FAM135B: variants seen among roughly 807,000 people sequenced by gnomAD.
The protein encoded by FAM135B is family with sequence similarity 135 member B, also known as protein FAM135B.
Under a neutral mutation model 127.7 loss-of-function variants are expected in FAM135B, and 43 were observed. The observed-to-expected ratio is 0.34, with a 90% CI of 0.26 to 0.43. The LOEUF is 0.43. Ranked by LOEUF, FAM135B falls within the 20% of genes least tolerant of loss-of-function variation. The pLI is 1.00. For synonymous variants in FAM135B, 670 were observed against 665.1 expected, an observed-to-expected ratio of 1.01 and a Z score of -0.11; for missense variants, 1,558 against 1,725.6, an observed-to-expected ratio of 0.90 and a Z score of 1.72.
intron 2 of FAM135B, among the ~76,000 whole-genome samples, chr8:138,331,313 G>C (rs542737421): frequency 6.6e-6 from 1 of 152,098 alleles, no homozygotes; most frequent in African/African-American, 2.4e-5. Context: ...AAAGGTCTTC[G>C]CAGCATTTTT....
At position 138,222,327 on chromosome 8, in the gene FAM135B, T is replaced by C. The variant is rs146084962; in HGVS notation, c.669+20615A>G. On this transcript the variant is annotated intron_variant, in intron 7 of 19. Transcript: ENST00000395297. ...CGCCTGCCCACTGCTTCTTAACTCT[T>C]ATCACAATTGCAACTCATAACTAAT... Among the ~76,000 whole-genome samples, 612 of 152,274 alleles carry C rather than the reference T, an allele frequency of 4.0e-3. 2 individuals are homozygous for C. The highest frequency in any genetic ancestry group is 0.014 in the African/African-American group (580 of 41,554).
chr8:138,331,786 C>G (rs1006591544), intron 2 of FAM135B, among the ~76,000 whole-genome samples: 5 of 152,124 alleles, frequency 3.3e-5, no homozygotes, highest in Non-Finnish European at 7.3e-5. Context: ...GTAAAATAAT[C>G]CAAATACATT....
At chr8:138,339,815 C>T (rs1828915140) in intron 2 of FAM135B, among the ~76,000 whole-genome samples, 1 of 152,170 alleles carries the variant, frequency 6.6e-6, no homozygotes, top group African/African-American at 2.4e-5. Flanking sequence ...CCTGAGTGTC[C>T]TCTGCAGGGC....
chr8:138,408,473 C>G (rs544870506), intron 1 of FAM135B, among the ~76,000 whole-genome samples: 2 of 152,260 alleles, frequency 1.3e-5, no homozygotes, highest in South Asian at 4.2e-4. Context: ...CTCTCAGCCA[C>G]TATAGAATTG....
At chr8:138,455,488 C>A (rs1476080289) in intron 1 of FAM135B, among the ~76,000 whole-genome samples, 1 of 152,038 alleles carries the variant, frequency 6.6e-6, no homozygotes, top group Non-Finnish European at 1.5e-5. Flanking sequence ...TTATAAAGTG[C>A]CAGACATTGT....
At chr8:138,271,741 T>C (rs547521105) in intron 3 of FAM135B, among the ~76,000 whole-genome samples, 37 of 152,332 alleles carry the variant, frequency 2.4e-4, no homozygotes, top group Non-Finnish European at 4.7e-4. Context: ...ATAGATGTTA[T>C]TTATTAATTA....
chr8:138,269,317 T>G (rs1330057769), intron 3 of FAM135B, among the ~76,000 whole-genome samples: 1 of 152,214 alleles, frequency 6.6e-6, no homozygotes, highest in African/African-American at 2.4e-5. Context: ...TGACAGGGAC[T>G]CTATGCCCAA....
intron 1 of FAM135B, among the ~76,000 whole-genome samples, chr8:138,445,444 G>C (rs1448310140): frequency 6.6e-6 from 1 of 152,168 alleles, no homozygotes; most frequent in African/African-American, 2.4e-5. Context: ...ACATCAAAAA[G>C]CTTATCCACC....
intron 1 of FAM135B, among the ~76,000 whole-genome samples, chr8:138,490,283 C>G (rs1815145720): frequency 6.6e-6 from 1 of 152,178 alleles, no homozygotes; most frequent in African/African-American, 2.4e-5. Flanking sequence ...AAAGATAAAA[C>G]CTAGTTCTTA....
chr8:138,283,734 C>T (rs1824456910), intron 3 of FAM135B, among the ~76,000 whole-genome samples: 1 of 152,102 alleles, frequency 6.6e-6, no homozygotes, highest in South Asian at 2.1e-4. Flanking sequence ...AAAGGTATTT[C>T]TGCACCACTA....
chr8:138,332,981 G>C (rs1563907610), intron 2 of FAM135B, among the ~76,000 whole-genome samples: 1 of 147,210 alleles, frequency 6.8e-6, no homozygotes, highest in African/African-American at 2.7e-5. Context: ...GATTTGGAAA[G>C]CGCACACACA....
chr8:138,339,052 T>C (rs1281856106), intron 2 of FAM135B, among the ~76,000 whole-genome samples: 4 of 145,444 alleles, frequency 2.8e-5, no homozygotes, highest in South Asian at 4.3e-4. Flanking sequence ...TAGGTAGGAA[T>C]TGAACAATGA....
intron 19 of FAM135B, among the ~76,000 whole-genome samples, chr8:138,135,536 C>G (rs1450072960): frequency 6.7e-6 from 1 of 149,892 alleles, no homozygotes; most frequent in Non-Finnish European, 1.5e-5. Flanking sequence ...ATCTGAGAGA[C>G]AGTAGAGTGA....
intron 2 of FAM135B, among the ~76,000 whole-genome samples, chr8:138,331,682 T>C (rs1364779035): frequency 6.6e-6 from 1 of 152,212 alleles, no homozygotes; most frequent in Non-Finnish European, 1.5e-5. Context: ...AAGTCTTTTC[T>C]CTGGGGTGAA....
chr8:138,144,478 A>G (rs1271450785), intron 15 of FAM135B: 1 of 151,242 alleles, frequency 6.6e-6, no homozygotes, highest in African/African-American at 2.4e-5. Context: ...AACTTTTCAG[A>G]GCCTATTTCC....
chr8:138,451,335 G>A (rs759210280), intron 1 of FAM135B, among the ~76,000 whole-genome samples: 14 of 152,174 alleles, frequency 9.2e-5, no homozygotes, highest in Middle Eastern at 3.2e-3. Flanking sequence ...TGCATATGCC[G>A]TATTGTTATT....
chr8:138,313,356 T>C (rs1826837531), intron 2 of FAM135B, among the ~76,000 whole-genome samples: 1 of 152,142 alleles, frequency 6.6e-6, no homozygotes, highest in Non-Finnish European at 1.5e-5. Flanking sequence ...GGTCTCGAAC[T>C]CCTGACCTCA....
intron 3 of FAM135B, among the ~76,000 whole-genome samples, chr8:138,275,120 A>C (rs1425918739): frequency 1.3e-5 from 2 of 152,204 alleles, no homozygotes; most frequent in Non-Finnish European, 2.9e-5. Context: ...GACAGGCATA[A>C]GAAATTATAA....
chr8:138,179,346 A>G (rs1451097961), intron 9 of FAM135B, among the ~76,000 whole-genome samples: 1 of 152,152 alleles, frequency 6.6e-6, no homozygotes, highest in Non-Finnish European at 1.5e-5. Context: ...ACTTCCAATC[A>G]TCACTATCTC....
Sources: allele counts gnomAD v4.1 joint callset (sites outside exome capture counted in the v4.1 genomes callset), GRCh38; gene constraint gnomAD v4.1.1; transcripts MANE v1.5; gene names NCBI Gene and HGNC (gene_info 2026-07-23, HGNC 2026-07-21).